AKT3: variants seen among roughly 807,000 people sequenced by gnomAD.
AKT3 encodes the protein RAC-gamma serine/threonine-protein kinase.
A neutral mutation model predicts 65.3 loss-of-function variants in AKT3; 15 were observed. The observed-to-expected ratio is 0.23, with a 90% CI of 0.15 to 0.35. AKT3 has a LOEUF of 0.35. AKT3 is among the 10% of genes least tolerant of loss of function. The pLI is 1.00. For synonymous variants in AKT3, 206 were observed against 183.8 expected (o/e 1.12, Z -0.98); for missense variants, 243 against 576.5 (o/e 0.42, Z 5.92).
rs1214427076 is a variant in AKT3, at chr1:243,499,951, G to C, written c.*5298C>G. 2 of 683,488 alleles carry C rather than the reference G, an allele frequency of 2.9e-6. No homozygotes were observed. Among genetic ancestry groups the C allele is most frequent in the South Asian group, 1.6e-5 (1 of 62,460 alleles). The allele number at this position is 683,488 out of a possible 1,614,324, so 42.3% of individuals were successfully genotyped here. A position where few individuals can be genotyped will look rare whatever the true frequency, so the allele number is the denominator to read the frequency against. On this transcript the variant is annotated 3_prime_UTR_variant, in exon 14 of 14. Coordinates refer to ENST00000673466, the MANE Select transcript of AKT3 (RefSeq NM_005465.7). The stretch of plus-strand genomic sequence containing the variant: ...GCGGGCGCTGTCCCCGCACGCAGTC[G>C]GGCTGGAGCTGGAGTCTGACTCTAG...
chr1:243,748,326 G>A (rs1486785123), intron 2 of AKT3, among the ~76,000 whole-genome samples: 1 of 144,614 alleles, frequency 6.9e-6, no homozygotes, highest in Non-Finnish European at 1.5e-5. Flanking sequence ...AAGCTATACT[G>A]ATTGAACAGA....
chr1:243,757,064 A>G (rs1480689952), intron 2 of AKT3, among the ~76,000 whole-genome samples: 1 of 152,362 alleles, frequency 6.6e-6, no homozygotes, highest in East Asian at 1.9e-4. Flanking sequence ...CTATGAAGCC[A>G]TTCCACATGA....
intron 6 of AKT3, among the ~76,000 whole-genome samples, chr1:243,629,762 A>G (rs1679462131): frequency 6.6e-6 from 1 of 152,208 alleles, no homozygotes; most frequent in Non-Finnish European, 1.5e-5. Flanking sequence ...ACTGCACTCC[A>G]GCCTGGGCGA....
intron 2 of AKT3, among the ~76,000 whole-genome samples, chr1:243,797,122 G>T (rs991145533): frequency 2.6e-5 from 4 of 151,502 alleles, no homozygotes; most frequent in Non-Finnish European, 1.5e-5. Context: ...GGTTAAAATG[G>T]TAAATTTTAT....
At chr1:243,781,889 C>T (rs1690938078) in intron 2 of AKT3, among the ~76,000 whole-genome samples, 2 of 152,196 alleles carry the variant, frequency 1.3e-5, no homozygotes, top group African/African-American at 4.8e-5. Context: ...GTGGCACAAT[C>T]ACAGCTCACT....
At chr1:243,752,985 A>G (rs1688901988) in intron 2 of AKT3, among the ~76,000 whole-genome samples, 1 of 152,184 alleles carries the variant, frequency 6.6e-6, no homozygotes, top group Non-Finnish European at 1.5e-5. Context: ...TTCCCAATAC[A>G]TAGTCTTTTC....
intron 2 of AKT3, among the ~76,000 whole-genome samples, chr1:243,771,470 T>G (rs1370484419): frequency 1.3e-5 from 2 of 152,176 alleles, no homozygotes; most frequent in African/African-American, 4.8e-5. Flanking sequence ...TATTCTAAAG[T>G]GTTGATAACA....
intron 2 of AKT3, among the ~76,000 whole-genome samples, chr1:243,703,760 CAAAAAAAAAAAAA>C (rs370671685): frequency 0.035 from 2,759 of 78,412 alleles, 51 homozygotes; most frequent in East Asian, 0.16. Context: ...GACTCCATCT[CAAAAAAAAAAAAA>C]AAAAAGAAAA....
At position 243,499,768 on chromosome 1, in the gene AKT3, C is replaced by CCA. The variant is rs778917211; in HGVS notation, c.*5479_*5480dup. On this transcript the variant is annotated 3_prime_UTR_variant, in exon 14 of 14. Coordinates refer to ENST00000673466, the MANE Select transcript of AKT3 (RefSeq NM_005465.7). ...TTATTTTTTCCAGTTACCCAGCATG[C>CCA]CACAATCTGATTGCTGACCTGGATG... The CCA allele has an allele frequency of 5.0e-6, 8 of 1,612,056 alleles. No individual in the cohort carries two copies. Among genetic ancestry groups the CCA allele is most frequent in the Non-Finnish European group, 5.9e-6 (7 of 1,178,406 alleles).
intron 2 of AKT3, among the ~76,000 whole-genome samples, chr1:243,773,629 C>T (rs1341634978): frequency 1.3e-5 from 2 of 151,690 alleles, no homozygotes; most frequent in African/African-American, 4.8e-5. Context: ...CATCGCCCCC[C>T]ACAAAAAAAA....
chr1:243,520,836 T>C (rs1423059648), intron 12 of AKT3, among the ~76,000 whole-genome samples: 1 of 152,194 alleles, frequency 6.6e-6, no homozygotes, highest in Non-Finnish European at 1.5e-5. Flanking sequence ...CTAAATTCTT[T>C]CCACACTGAT....
At chr1:243,642,605 A>T (rs10927050) in intron 5 of AKT3, among the ~76,000 whole-genome samples, 19 of 151,970 alleles carry the variant, frequency 1.3e-4, no homozygotes, top group African/African-American at 4.6e-4. Flanking sequence ...CACCACGCCC[A>T]GCCACAGTAA....
intron 12 of AKT3, among the ~76,000 whole-genome samples, chr1:243,520,905 T>C (rs1398649704): frequency 6.6e-6 from 1 of 152,176 alleles, no homozygotes; most frequent in Non-Finnish European, 1.5e-5. Context: ...TTCCTAAAAG[T>C]GTCAATGAAA....
intron 8 of AKT3, among the ~76,000 whole-genome samples, chr1:243,587,061 TGA>T (rs963861257): frequency 6.6e-5 from 10 of 152,104 alleles, no homozygotes; most frequent in Non-Finnish European, 5.9e-5. Flanking sequence ...ACAATTAACC[TGA>T]GAGGGCTACA....
chr1:243,569,095 C>G (rs1022656260), intron 9 of AKT3, among the ~76,000 whole-genome samples: 6 of 152,184 alleles, frequency 3.9e-5, no homozygotes, highest in African/African-American at 1.4e-4. Flanking sequence ...GTTTTAGGCA[C>G]CAAGACTCAC....
chr1:243,791,619 T>G (rs1389563093), intron 2 of AKT3, among the ~76,000 whole-genome samples: 1 of 152,216 alleles, frequency 6.6e-6, no homozygotes, highest in African/African-American at 2.4e-5. Context: ...TGAACAGAAT[T>G]TAAATGAGAC....
At chr1:243,610,532 A>G (rs1677795157) in intron 8 of AKT3, among the ~76,000 whole-genome samples, 1 of 152,248 alleles carries the variant, frequency 6.6e-6, no homozygotes, top group African/African-American at 2.4e-5. Context: ...TTGTCTGCGG[A>G]CTGTTTTATC....
intron 2 of AKT3, among the ~76,000 whole-genome samples, chr1:243,786,899 TG>T (rs1691299461): frequency 6.6e-6 from 1 of 151,770 alleles, no homozygotes; most frequent in Admixed American, 6.6e-5. Flanking sequence ...AAAAAAGCTG[TG>T]AAGAAAAGGA....
intron 2 of AKT3, among the ~76,000 whole-genome samples, chr1:243,717,095 C>T (rs1686559264): frequency 6.6e-6 from 1 of 152,208 alleles, no homozygotes; most frequent in African/African-American, 2.4e-5. Context: ...CTCTACCCAC[C>T]AGCTCCTTAG....
Sources: gnomAD v4.1 joint callset for allele counts (sites outside exome capture counted in the v4.1 genomes callset) on GRCh38, gnomAD v4.1.1 for gene constraint, MANE v1.5 for transcripts, NCBI Gene and HGNC (gene_info 2026-07-23, HGNC 2026-07-21) for gene names.